Variants in CIAO1 observed in about 807,000 individuals in gnomAD.
The protein encoded by CIAO1 is probable cytosolic iron-sulfur protein assembly protein CIAO1.
A neutral mutation model predicts 43.1 loss-of-function variants in CIAO1; 32 were observed. That is an observed-to-expected ratio of 0.74 (90% CI 0.56 to 1.00). The LOEUF is 1.00. Among genes scored for constraint, CIAO1 ranks in the 50% least tolerant of loss-of-function variants. CIAO1 has a pLI of 0.00. For synonymous variants in CIAO1, 183 were observed against 171.4 expected, an observed-to-expected ratio of 1.07 and a Z score of -0.53; for missense variants, 415 against 437.4, an observed-to-expected ratio of 0.95 and a Z score of 0.46.
chr2:96,267,639 C>G lies in CIAO1; in HGVS notation c.303C>G (p.Leu101=). Residue 101 remains leucine (L), a synonymous_variant, in exon 3 of 7, where the codon CTC becomes CTG. Coordinates refer to ENST00000488633, the MANE Select transcript of CIAO1 (RefSeq NM_004804.3). ...CCCTTTCACAGTGTGTAACCACTCTCGAGGGCCATGAAAATGAGGTCAAGT... is the reference window on the plus strand; with the variant it reads ...CCCTTTCACAGTGTGTAACCACTCTGGAGGGCCATGAAAATGAGGTCAAGT... ...NQDDFECVTT[L]EGHENEVKSV... The G allele has an allele frequency of 3.7e-6, 6 of 1,614,052 alleles. No individual in the cohort carries two copies. Among genetic ancestry groups the G allele is most frequent in the Non-Finnish European group, 4.2e-6 (5 of 1,179,978 alleles).
intron 5 of CIAO1, 119 bp from the exon 6 acceptor site, chr2:96,269,149 G>T (rs1285134587): frequency 1.2e-6 from 1 of 828,456 alleles, no homozygotes; most frequent in South Asian, 1.5e-5. Context: ...ATGGGGACAC[G>T]AACGGAGACA....
Position 96,271,507 on chromosome 2 carries a change from T to C in CIAO1, c.*156T>C. The C allele has an allele frequency of 1.2e-6, 1 of 846,596 alleles. No individual in the cohort carries two copies. Among genetic ancestry groups the C allele is most frequent in the Non-Finnish European group, 1.8e-6 (1 of 561,092 alleles). 52.4% of individuals were successfully genotyped at this position (846,596 alleles called of 1,614,324 possible). A position where few individuals can be genotyped will look rare whatever the true frequency, so the allele number is the denominator to read the frequency against. On this transcript the variant is annotated 3_prime_UTR_variant, in exon 7 of 7. Transcript: ENST00000488633. ...TAGAAGTGCAGAGCCACAGAATTGC[T>C]TTCCTTCCCCGCCTTTGACATGAGG...
In CIAO1 at chr2:96,267,756, G is replaced by A; in HGVS notation, c.400+20G>A. The stretch of plus-strand genomic sequence containing the variant: ...GGGAAGGTGAGGCCAGGTCCCTCCA[G>A]GTGGATTGGGAACCACCTGACAGCC... On this transcript the variant is annotated intron_variant, in intron 3 of 6. Transcript: ENST00000488633. 6.2e-7 allele frequency: 1 copy of A among 1,613,708 alleles called. No homozygotes were observed. Among genetic ancestry groups the A allele is most frequent in the Admixed American group, 1.7e-5 (1 of 60,014 alleles).
In CIAO1 at chr2:96,268,899, C is replaced by T. The variant is rs900904946; in HGVS notation, c.691+241C>T. The T allele has an allele frequency of 5.3e-6, 3 of 571,328 alleles. No homozygotes were observed. The African/African-American group carries it at 5.6e-5, about 11-fold the overall frequency. 35.4% of individuals were successfully genotyped at this position (571,328 alleles called of 1,614,324 possible). On this transcript the variant is annotated intron_variant, in intron 5 of 6. Coordinates refer to ENST00000488633, the MANE Select transcript of CIAO1 (RefSeq NM_004804.3). ...CGTGAGAATTCAAGTGAAAACTCAA[C>T]AGTGTGAGTAAAGATAACAATGGCG...
At chr2:96,267,153 A>G in intron 1 of CIAO1, 168 bp from the exon 2 acceptor site, 1 of 588,730 alleles carries the variant, frequency 1.7e-6, no homozygotes, top group African/African-American at 1.9e-5. Flanking sequence ...AAAAAAAAAA[A>G]AAAAAAAGCT....
Position 96,268,973 on chromosome 2 carries a change from C to T in CIAO1, c.692-295C>T, listed in dbSNP as rs1320236852. 2.1e-5 allele frequency: 12 copies of T among 570,846 alleles called. No individual in the cohort carries two copies. In the Admixed American group the frequency reaches 3.1e-4, roughly 15 times the overall value. 35.4% of individuals were successfully genotyped at this position (570,846 alleles called of 1,614,324 possible). Reference sequence around the variant, plus strand: ...TAATGCATTTAAATGGGGCATAGGACGTCTGGGGTTTGGAGAGGAATAAAG... The same window carrying T: ...TAATGCATTTAAATGGGGCATAGGATGTCTGGGGTTTGGAGAGGAATAAAG... On this transcript the variant is annotated intron_variant, in intron 5 of 6. Transcript: ENST00000488633.
In CIAO1 at chr2:96,273,718, T is replaced by C. The variant is rs76027851; in HGVS notation, c.*2367T>C. On this transcript the variant is annotated 3_prime_UTR_variant, in exon 7 of 7. Transcript: ENST00000488633. ...GTAGTCTTGGTGTGGTATCAAAGAATAGCCACAATTAGCTGAAAAGGCTAT... is the reference window on the plus strand; with the variant it reads ...GTAGTCTTGGTGTGGTATCAAAGAACAGCCACAATTAGCTGAAAAGGCTAT... Among the ~76,000 whole-genome samples the C allele has an allele frequency of 0.019, 2,758 of 145,748 alleles. 44 individuals are homozygous for C. Among genetic ancestry groups the C allele is most frequent in the South Asian group, 0.03 (135 of 4,514 alleles).
chr2:96,270,047 G>A (rs1475690027), intron 6 of CIAO1, among the ~76,000 whole-genome samples: 1 of 152,172 alleles, frequency 6.6e-6, no homozygotes, highest in Non-Finnish European at 1.5e-5. Context: ...TTCTGGCCCT[G>A]AGAATTGATC....
Position 96,267,258 on chromosome 2 carries a change from G to A in CIAO1, c.140-63G>A. ...TAGCTTGATTCCAGTGCTAGCCCCT[G>A]ATATTGAATGGCTTCATGGTGCTGC... On this transcript the variant is annotated intron_variant, in intron 1 of 6. Transcript: ENST00000488633. The A allele has an allele frequency of 9.8e-6, 15 of 1,528,456 alleles. No individual in the cohort carries two copies. In the South Asian group the frequency reaches 1.9e-4, roughly 19 times the overall value. The allele number at this position is 1,528,456 out of a possible 1,614,324, so 94.7% of individuals were successfully genotyped here.
Position 96,267,857 on chromosome 2 carries a change from A to G in CIAO1, c.422A>G (p.Glu141Gly). Residue 141 changes from glutamate (E) to glycine (G), a missense_variant, in exon 4 of 7, where the codon GAA becomes GGA. By Grantham distance (98) the Glu-to-Gly change is moderately conservative (BLOSUM62 -2). Transcript: ENST00000488633. Reference protein sequence around the residue: ...VWEVDEEDEYECVSVLNSHTQ... With the variant: ...VWEVDEEDEYGCVSVLNSHTQ... ...ACAGTTGATGAAGAGGATGAGTATGAATGTGTCAGTGTTCTCAACTCCCAC... is the reference window on the plus strand; with the variant it reads ...ACAGTTGATGAAGAGGATGAGTATGGATGTGTCAGTGTTCTCAACTCCCAC... 1 of 1,614,090 alleles carries G rather than the reference A, an allele frequency of 6.2e-7. No homozygotes were observed. Among genetic ancestry groups the G allele is most frequent in the Non-Finnish European group, 8.5e-7 (1 of 1,179,998 alleles).
Position 96,267,879 on chromosome 2 carries a change from C to T in CIAO1, c.444C>T (p.Ser148=). The T allele has an allele frequency of 6.2e-7, 1 of 1,614,120 alleles. No individual in the cohort carries two copies. The highest frequency in any genetic ancestry group is 8.5e-7 in the Non-Finnish European group (1 of 1,180,006). ...ATGAATGTGTCAGTGTTCTCAACTC[C>T]CACACACAGGATGTCAAGCATGTGG... is the stretch of plus-strand genomic sequence containing the variant. ...DEYECVSVLN[S]HTQDVKHVVW... Residue 148 remains serine (S), a synonymous_variant, in exon 4 of 7, where the codon TCC becomes TCT. Coordinates refer to ENST00000488633, the MANE Select transcript of CIAO1 (RefSeq NM_004804.3).
intron 6 of CIAO1, among the ~76,000 whole-genome samples, chr2:96,269,742 G>C (rs1045703404): frequency 3.3e-5 from 5 of 152,140 alleles, no homozygotes; most frequent in Admixed American, 3.3e-4. Context: ...CCGTCTCCCG[G>C]GTTCACACCA....
rs746419754 is a variant in CIAO1, at chr2:96,268,529, G to A, written c.562G>A (p.Ala188Thr). 2 of 1,614,192 alleles carry A rather than the reference G, an allele frequency of 1.2e-6. No homozygotes were observed. The highest frequency in any genetic ancestry group is 1.7e-6 in the Non-Finnish European group (2 of 1,180,030). Residue 188 changes from alanine (A) to threonine (T), a missense_variant, in exon 5 of 7, where the codon GCC becomes ACC. By Grantham distance (58) the Ala-to-Thr change is moderately conservative. Coordinates refer to ENST00000488633, the MANE Select transcript of CIAO1 (RefSeq NM_004804.3). ...REEEDDWVCC[A>T]TLEGHESTVW... ...GGAAGAGGATGACTGGGTATGCTGT[G>A]CCACCCTTGAGGGCCATGAATCCAC... is the stretch of plus-strand genomic sequence containing the variant.
At position 96,266,231 on chromosome 2, in the gene CIAO1, AGCGGGAGCCTCTGTCGGCC is replaced by A; in HGVS notation, c.-115_-97del. On this transcript the variant is annotated 5_prime_UTR_variant, in exon 1 of 7. Coordinates refer to ENST00000488633, the MANE Select transcript of CIAO1 (RefSeq NM_004804.3). ...GGGGCGACCCAGGTCCTCCGGCGGA[AGCGGGAGCCTCTGTCGGCC>A]GCGGAAGCCTGGAGTGGGCGGTACG... The A allele has an allele frequency of 8.6e-7, 1 of 1,160,420 alleles. No individual in the cohort carries two copies. The highest frequency in any genetic ancestry group is 1.1e-6 in the Non-Finnish European group (1 of 907,670). The allele number at this position is 1,160,420 out of a possible 1,614,324, so 71.9% of individuals were successfully genotyped here. A position where few individuals can be genotyped will look rare whatever the true frequency, so the allele number is the denominator to read the frequency against.
At position 96,269,332 on chromosome 2, in the gene CIAO1, A is replaced by G. The variant is rs1214920455; in HGVS notation, c.756A>G (p.Ser252=). The part of the protein sequence containing the change: ...KCICTLSGFH[S]RTIYDIAWCQ... ...TCTGTACTTTGTCCGGCTTCCACTC[A>G]AGGACCATTTATGACATTGCTTGGT... The change falls in exon 6 of 7, where the codon TCA becomes TCG. Residue 252 remains serine, a synonymous_variant. Transcript: ENST00000488633. The G allele has an allele frequency of 1.2e-6, 2 of 1,614,160 alleles. No homozygotes were observed. Among genetic ancestry groups the G allele is most frequent in the Admixed American group, 1.7e-5 (1 of 60,022 alleles).
At chr2:96,269,757 C>T (rs903080910) in intron 6 of CIAO1, among the ~76,000 whole-genome samples, 3 of 152,188 alleles carry the variant, frequency 2.0e-5, no homozygotes, top group Non-Finnish European at 2.9e-5. Flanking sequence ...ACACCATTCT[C>T]CTGCCTCAGC....
rs953761555 is a variant in CIAO1, at chr2:96,267,879, C to A, written c.444C>A (p.Ser148=). 2 of 1,614,120 alleles carry A rather than the reference C, an allele frequency of 1.2e-6. No homozygotes were observed. The highest frequency in any genetic ancestry group is 1.7e-5 in the Admixed American group (1 of 60,020). ...ATGAATGTGTCAGTGTTCTCAACTC[C>A]CACACACAGGATGTCAAGCATGTGG... The part of the protein sequence containing the change: ...DEYECVSVLN[S]HTQDVKHVVW... Residue 148 remains serine (S), a synonymous_variant, in exon 4 of 7, where the codon TCC becomes TCA. Coordinates refer to ENST00000488633, the MANE Select transcript of CIAO1 (RefSeq NM_004804.3).
chr2:96,270,844 G>A (rs999675090), intron 6 of CIAO1, among the ~76,000 whole-genome samples: 1 of 151,958 alleles, frequency 6.6e-6, no homozygotes, highest in Non-Finnish European at 1.5e-5. Flanking sequence ...TTATGACATG[G>A]GAAACTGCTT....
Position 96,271,807 on chromosome 2 carries a change from CTT to C in CIAO1, c.*458_*459del, listed in dbSNP as rs1194734936. ...CTCCCTTCCCAGTTTCTGTGTAAGT[CTT>C]TGCATTTAAGACATCCAATCAATAA... is the stretch of plus-strand genomic sequence containing the variant. On this transcript the variant is annotated 3_prime_UTR_variant, in exon 7 of 7. Coordinates refer to ENST00000488633, the MANE Select transcript of CIAO1 (RefSeq NM_004804.3). 1 of 158,448 alleles carries C rather than the reference CTT, an allele frequency of 6.3e-6. No individual in the cohort carries two copies. The highest frequency in any genetic ancestry group is 1.4e-5 in the Non-Finnish European group (1 of 71,908). The allele number at this position is 158,448 out of a possible 1,614,324, so 9.8% of individuals were successfully genotyped here.
Sources: allele counts gnomAD v4.1 joint callset (sites outside exome capture counted in the v4.1 genomes callset), GRCh38; gene constraint gnomAD v4.1.1; transcripts MANE v1.5; gene names NCBI Gene and HGNC (gene_info 2026-07-23, HGNC 2026-07-21).